The following SRD5A2 variants were observed in gnomAD, a reference collection of about 807,000 sequenced individuals.
The protein encoded by SRD5A2 is steroid 5 alpha-reductase 2, also known as 3-oxo-5-alpha-steroid 4-dehydrogenase 2.
Under a neutral mutation model 27.4 loss-of-function variants are expected in SRD5A2, and 30 were observed. The observed-to-expected ratio is 1.10, with a 90% CI of 0.82 to 1.49. The LOEUF (loss-of-function observed/expected upper bound fraction) is 1.49. Ranked by LOEUF, SRD5A2 falls within the 40% of genes most tolerant of loss-of-function variation. SRD5A2 has a pLI of 0.00. For synonymous variants in SRD5A2, 141 were observed against 133.6 expected (o/e 1.06, Z -0.38); for missense variants, 348 against 323.4 (o/e 1.08, Z -0.58).
intron 3 of SRD5A2, among the ~76,000 whole-genome samples, chr2:31,531,074 A>G (rs961988515): frequency 6.6e-6 from 1 of 152,192 alleles, no homozygotes; most frequent in Non-Finnish European, 1.5e-5. Flanking sequence ...ACCTACTGCA[A>G]TGAGGGTGTA....
At chr2:31,651,563 T>G in the SRD5A2 span, 1 of 172,668 alleles carries the variant, frequency 5.8e-6, no homozygotes. Context: ...CCAAGAAAAT[T>G]GCTAAGACAA....
chr2:31,577,705 C>T lies in SRD5A2; in HGVS notation c.281+2915G>A, dbSNP rs569482698. The stretch of plus-strand genomic sequence containing the variant: ...TTCTCTGTCTTAGCAACACACAGCA[C>T]GAGATAAAGCCAAGACAGCCTGATG... On this transcript the variant is annotated intron_variant, in intron 1 of 4. Coordinates refer to ENST00000622030, the MANE Select transcript of SRD5A2 (RefSeq NM_000348.4). Among the ~76,000 whole-genome samples, 16 of 152,250 alleles carry T rather than the reference C, an allele frequency of 1.1e-4. No individual in the cohort carries two copies. The South Asian group carries it at 1.5e-3, about 14-fold the overall frequency.
At chr2:31,540,953 C>A (rs1227119938) in intron 1 of SRD5A2, among the ~76,000 whole-genome samples, 1 of 152,208 alleles carries the variant, frequency 6.6e-6, no homozygotes, top group East Asian at 1.9e-4. Flanking sequence ...TTTGCTGTTA[C>A]ACCTTATTCC....
At chr2:31,620,766 G>A in the SRD5A2 span, among the ~76,000 whole-genome samples, 27 of 150,450 alleles carry the variant, frequency 1.8e-4, no homozygotes, top group South Asian at 5.5e-3. Flanking sequence ...GGAAAGGATG[G>A]GCTGCATATC....
chr2:31,624,900 G>T, the SRD5A2 span, among the ~76,000 whole-genome samples: 2 of 152,144 alleles, frequency 1.3e-5, no homozygotes, highest in African/African-American at 4.8e-5. Context: ...GGGTCAGTTG[G>T]TATTTCTAGT....
the SRD5A2 span, among the ~76,000 whole-genome samples, chr2:31,590,191 A>C: frequency 5.0e-5 from 2 of 40,202 alleles, no homozygotes; most frequent in Non-Finnish European, 9.8e-5. Context: ...TTCTCTACCC[A>C]CCCTGGCAGC....
chr2:31,586,199 T>G, the SRD5A2 span, among the ~76,000 whole-genome samples: 2 of 151,838 alleles, frequency 1.3e-5, no homozygotes, highest in African/African-American at 2.4e-5. Context: ...TACTCCCCTC[T>G]CACACTTTCC....
chr2:31,528,394 A>C (rs1308021725), intron 4 of SRD5A2, among the ~76,000 whole-genome samples: 1 of 152,190 alleles, frequency 6.6e-6, no homozygotes, highest in Non-Finnish European at 1.5e-5. Flanking sequence ...TTAGCACCAA[A>C]TCTTGTTGCC....
At chr2:31,633,315 T>G in the SRD5A2 span, among the ~76,000 whole-genome samples, 1 of 152,150 alleles carries the variant, frequency 6.6e-6, no homozygotes. Context: ...CACCAAACCT[T>G]TCACTTAGGC....
the SRD5A2 span, among the ~76,000 whole-genome samples, chr2:31,652,022 G>A: frequency 6.6e-6 from 1 of 152,182 alleles, no homozygotes; most frequent in Non-Finnish European, 1.5e-5. Flanking sequence ...CCAGGCTGGA[G>A]TGCAGTGAGG....
intron 1 of SRD5A2, among the ~76,000 whole-genome samples, chr2:31,541,718 C>T (rs1368238752): frequency 6.6e-6 from 1 of 152,184 alleles, no homozygotes; most frequent in African/African-American, 2.4e-5. Context: ...TGATGCCCCT[C>T]CCCTATCCCT....
At chr2:31,642,003 C>T in the SRD5A2 span, among the ~76,000 whole-genome samples, 3 of 151,696 alleles carry the variant, frequency 2.0e-5, no homozygotes, top group Non-Finnish European at 4.4e-5. Flanking sequence ...CCGAGACATA[C>T]TAAAAAGATA....
intron 1 of SRD5A2, among the ~76,000 whole-genome samples, 183 bp downstream of exon 1, chr2:31,580,437 C>T (rs1667048156): frequency 6.6e-6 from 1 of 152,150 alleles, no homozygotes; most frequent in Non-Finnish European, 1.5e-5. Context: ...CTTGTCAACT[C>T]TCTAGCGTCC....
upstream of SRD5A2, among the ~76,000 whole-genome samples, chr2:31,584,951 C>G (rs773571742): frequency 2.0e-5 from 3 of 152,220 alleles, no homozygotes; most frequent in Non-Finnish European, 4.4e-5. Context: ...CCATCACACC[C>G]TGGCAGCTGT....
At chr2:31,573,495 G>A (rs1366732331) in intron 1 of SRD5A2, among the ~76,000 whole-genome samples, 2 of 152,192 alleles carry the variant, frequency 1.3e-5, no homozygotes, top group Non-Finnish European at 1.5e-5. Flanking sequence ...ACAGCAGAAC[G>A]GGAAGTACCC....
At chr2:31,654,226 C>T in the SRD5A2 span, among the ~76,000 whole-genome samples, 4 of 152,114 alleles carry the variant, frequency 2.6e-5, no homozygotes, top group Non-Finnish European at 5.9e-5. Flanking sequence ...ATGAACAGGA[C>T]TGAGATTGGG....
At chr2:31,632,613 C>G in the SRD5A2 span, among the ~76,000 whole-genome samples, 7 of 152,132 alleles carry the variant, frequency 4.6e-5, no homozygotes, top group African/African-American at 1.7e-4. Context: ...ACTGGCACGG[C>G]CTTCTCGGTC....
At chr2:31,530,905 A>T (rs575974329) in intron 3 of SRD5A2, among the ~76,000 whole-genome samples, 2 of 152,274 alleles carry the variant, frequency 1.3e-5, no homozygotes, top group South Asian at 4.1e-4. Flanking sequence ...AGTTCTCTAC[A>T]CCTTTAAAAG....
intron 1 of SRD5A2, among the ~76,000 whole-genome samples, chr2:31,545,590 G>A (rs1053277643): frequency 6.6e-6 from 1 of 152,108 alleles, no homozygotes; most frequent in African/African-American, 2.4e-5. Flanking sequence ...AATAAAATCT[G>A]TATATTAAAA....
Sources: gnomAD v4.1 joint callset for allele counts (sites outside exome capture counted in the v4.1 genomes callset) on GRCh38, gnomAD v4.1.1 for gene constraint, MANE v1.5 for transcripts, NCBI Gene and HGNC (gene_info 2026-07-23, HGNC 2026-07-21) for gene names.